Variants in TTLL5 observed in about 807,000 individuals in gnomAD.
TTLL5 encodes the protein tubulin tyrosine ligase like 5, also known as tubulin polyglutamylase TTLL5.
Under a neutral mutation model 168.4 loss-of-function variants are expected in TTLL5, and 132 were observed. That is an observed-to-expected ratio of 0.78 (90% CI 0.68 to 0.91). The LOEUF is 0.91. TTLL5 is among the 40% of genes least tolerant of loss of function. The pLI, the probability that TTLL5 is intolerant of heterozygous loss-of-function variation, is 0.00. For synonymous variants in TTLL5, 546 were observed against 558.6 expected, an observed-to-expected ratio of 0.98 and a Z score of 0.32; for missense variants, 1,545 against 1,581.5, an observed-to-expected ratio of 0.98 and a Z score of 0.39.
At chr14:75,914,033 A>AATATATATATATAT (rs1182456559) in intron 31 of TTLL5, among the ~76,000 whole-genome samples, 9 of 71,096 alleles carry the variant, frequency 1.3e-4, no homozygotes, top group African/African-American at 6.2e-4. Context: ...AAAAAAAAAA[A>AATATATATATATAT]ATATATATAT....
intron 27 of TTLL5, among the ~76,000 whole-genome samples, chr14:75,811,156 A>AGAGTGT (rs60194482): frequency 0.11 from 12,967 of 116,170 alleles, 808 homozygotes; most frequent in South Asian, 0.18. Flanking sequence ...TGAAAGAAAG[A>AGAGTGT]GTGTGTGTGT....
chr14:75,777,827 C>T (rs962149397), intron 23 of TTLL5, among the ~76,000 whole-genome samples: 5 of 151,980 alleles, frequency 3.3e-5, no homozygotes, highest in Admixed American at 1.3e-4. Context: ...CACTATCATG[C>T]GCTTTACAGC....
Position 75,744,921 on chromosome 14 carries a change from G to A in TTLL5, c.1282-174G>A, listed in dbSNP as rs191000109. On this transcript the variant is annotated intron_variant, in intron 15 of 31. Coordinates refer to ENST00000298832, the MANE Select transcript of TTLL5 (RefSeq NM_015072.5). ...TCTCCTCTTGCCTTTGAGTTTATTA[G>A]CTTTCGTCTGTTTTCCAGGGTTCCA... Among the ~76,000 whole-genome samples the A allele has an allele frequency of 1.0e-3, 156 of 152,146 alleles. 2 individuals are homozygous for A. Among genetic ancestry groups the A allele is most frequent in the Non-Finnish European group, 2.9e-4 (20 of 68,002 alleles).
At chr14:75,780,143 G>A (rs1026118515) in intron 24 of TTLL5, among the ~76,000 whole-genome samples, 1 of 152,210 alleles carries the variant, frequency 6.6e-6, no homozygotes, top group African/African-American at 2.4e-5. Flanking sequence ...TAGCCTGCCT[G>A]ACTCAAAGTT....
intron 28 of TTLL5, among the ~76,000 whole-genome samples, chr14:75,862,498 C>T (rs2030100010): frequency 6.6e-6 from 1 of 152,154 alleles, no homozygotes; most frequent in Non-Finnish European, 1.5e-5. Context: ...TTGTTATCGT[C>T]AGGTATTTTG....
In TTLL5 at chr14:75,766,069, C is replaced by G; in HGVS notation, c.1716C>G (p.Thr572=). The change falls in exon 20 of 32, where the codon ACC becomes ACG. Residue 572 remains threonine (T), a synonymous_variant. Transcript: ENST00000298832. ...GTGATTCTTCGTATTTAGTGATTAC[C>G]CAACCAGCTGAAATGAATGTTAAAA... ...RAMRPKYPVI[T]QPAEMNVKTE... The G allele has an allele frequency of 6.2e-7, 1 of 1,609,920 alleles. No homozygotes were observed. Among genetic ancestry groups the G allele is most frequent in the South Asian group, 1.1e-5 (1 of 90,324 alleles).
chr14:75,745,813 C>T (rs1370614044), intron 17 of TTLL5, among the ~76,000 whole-genome samples: 1 of 151,850 alleles, frequency 6.6e-6, no homozygotes, highest in African/African-American at 2.4e-5. Flanking sequence ...CTTCCTATCC[C>T]AGGGTTAGGG....
At chr14:75,913,961 G>C (rs1430270096) in intron 31 of TTLL5, among the ~76,000 whole-genome samples, 1 of 139,656 alleles carries the variant, frequency 7.2e-6, no homozygotes, top group Admixed American at 7.9e-5. Context: ...GTTGCAGTGA[G>C]CCAAGATTGT....
intron 31 of TTLL5, among the ~76,000 whole-genome samples, chr14:75,953,653 G>A (rs2035027052): frequency 6.6e-6 from 1 of 152,128 alleles, no homozygotes; most frequent in South Asian, 2.1e-4. Context: ...GAGCATATAG[G>A]TGTATATTGT....
Position 75,842,948 on chromosome 14 carries a change from C to T in TTLL5, c.3327-20719C>T, listed in dbSNP as rs1163331122. Reference sequence around the variant, plus strand: ...AAGAAATCCTGGTATATTTCAGTGCCCTTTTTGCCTCCATAGCAAAAAGAA... The same window carrying T: ...AAGAAATCCTGGTATATTTCAGTGCTCTTTTTGCCTCCATAGCAAAAAGAA... On this transcript the variant is annotated intron_variant, in intron 28 of 31. Coordinates refer to ENST00000298832, the MANE Select transcript of TTLL5 (RefSeq NM_015072.5). Among the ~76,000 whole-genome samples the T allele has an allele frequency of 2.6e-5, 4 of 152,248 alleles. No individual in the cohort carries two copies. In the East Asian group the frequency reaches 7.7e-4, roughly 29 times the overall value.
At chr14:75,855,986 A>G (rs765753829) in intron 28 of TTLL5, among the ~76,000 whole-genome samples, 3 of 152,264 alleles carry the variant, frequency 2.0e-5, no homozygotes, top group Non-Finnish European at 4.4e-5. Flanking sequence ...CCCAGATGAT[A>G]GAATTAACAG....
intron 31 of TTLL5, among the ~76,000 whole-genome samples, chr14:75,950,154 C>T (rs1460128498): frequency 6.6e-6 from 1 of 152,140 alleles, no homozygotes; most frequent in Non-Finnish European, 1.5e-5. Context: ...GACCAAGACA[C>T]ATTGCGGTTA....
chr14:75,841,564 T>A (rs1325015600), intron 28 of TTLL5, among the ~76,000 whole-genome samples: 1 of 152,214 alleles, frequency 6.6e-6, no homozygotes, highest in Non-Finnish European at 1.5e-5. Flanking sequence ...TTCCATATGA[T>A]CTACTTCCCT....
intron 28 of TTLL5, among the ~76,000 whole-genome samples, chr14:75,822,583 A>G (rs1894891903): frequency 6.6e-6 from 1 of 152,208 alleles, no homozygotes; most frequent in Non-Finnish European, 1.5e-5. Context: ...TGCATGTCAG[A>G]GAATTCACTG....
chr14:75,755,259 C>CTT (rs1202039880), intron 18 of TTLL5, among the ~76,000 whole-genome samples: 1 of 127,726 alleles, frequency 7.8e-6, no homozygotes, highest in Non-Finnish European at 1.6e-5. Flanking sequence ...GAGCAAAACT[C>CTT]TGTCTCCAAA....
intron 31 of TTLL5, among the ~76,000 whole-genome samples, chr14:75,940,744 G>T (rs1008256126): frequency 2.0e-5 from 3 of 152,152 alleles, no homozygotes; most frequent in African/African-American, 7.2e-5. Flanking sequence ...GTCTTTCAGA[G>T]ATTTATATCT....
At chr14:75,728,358 G>GA (rs11326438) in intron 12 of TTLL5, among the ~76,000 whole-genome samples, 353 of 99,628 alleles carry the variant, frequency 3.5e-3, no homozygotes, top group Middle Eastern at 9.6e-3. Flanking sequence ...CTCCATCTCA[G>GA]AAAAAAAAAA....
At chr14:75,803,130 T>C (rs1231480278) in intron 27 of TTLL5, 1 of 152,158 alleles carries the variant, frequency 6.6e-6, no homozygotes, top group East Asian at 1.9e-4. Context: ...ACACAATTGC[T>C]TTGCCTTTTA....
intron 6 of TTLL5, among the ~76,000 whole-genome samples, chr14:75,696,528 C>CATAT (rs978595866): frequency 3.3e-5 from 5 of 152,172 alleles, no homozygotes; most frequent in African/African-American, 9.7e-5. Flanking sequence ...AATACACATA[C>CATAT]ATATATTCAG....
Sources: allele counts gnomAD v4.1 joint callset (sites outside exome capture counted in the v4.1 genomes callset), GRCh38; gene constraint gnomAD v4.1.1; transcripts MANE v1.5; gene names NCBI Gene and HGNC (gene_info 2026-07-23, HGNC 2026-07-21).